Variants in ZFPM2 observed in about 807,000 individuals in gnomAD.
The protein encoded by ZFPM2 is zinc finger protein ZFPM2.
Under a neutral mutation model 98.6 loss-of-function variants are expected in ZFPM2, and 20 were observed. The observed-to-expected ratio is 0.20, with a 90% CI of 0.14 to 0.29. The LOEUF is 0.29. Ranked by LOEUF, ZFPM2 falls within the 10% of genes least tolerant of loss-of-function variation. ZFPM2 has a pLI of 1.00. For missense variants in ZFPM2, 1,310 were observed against 1,388.6 expected (o/e 0.94, Z 0.90); for synonymous variants, 518 against 502.7 (o/e 1.03, Z -0.41).
intron 5 of ZFPM2, among the ~76,000 whole-genome samples, chr8:105,645,358 C>T (rs941826741): frequency 5.3e-5 from 8 of 152,134 alleles, no homozygotes; most frequent in Admixed American, 2.0e-4. Context: ...TATCATCTTG[C>T]TCTTTTTATG....
intron 3 of ZFPM2, among the ~76,000 whole-genome samples, chr8:105,467,752 T>C (rs763240876): frequency 6.6e-6 from 1 of 151,892 alleles, no homozygotes; most frequent in Non-Finnish European, 1.5e-5. Flanking sequence ...CACACACACA[T>C]GTATATATAT....
At chr8:105,771,276 A>C (rs532911263) in intron 5 of ZFPM2, among the ~76,000 whole-genome samples, 1 of 152,218 alleles carries the variant, frequency 6.6e-6, no homozygotes, top group Non-Finnish European at 1.5e-5. Flanking sequence ...TCATACCTAG[A>C]GGCAACTAAT....
At chr8:105,743,744 T>C (rs991691998) in intron 5 of ZFPM2, among the ~76,000 whole-genome samples, 2 of 152,092 alleles carry the variant, frequency 1.3e-5, no homozygotes, top group Non-Finnish European at 2.9e-5. Flanking sequence ...CAAATGCTCT[T>C]CCTTTAAGTT....
chr8:105,695,546 C>A (rs1366873823), intron 5 of ZFPM2, among the ~76,000 whole-genome samples: 1 of 151,988 alleles, frequency 6.6e-6, no homozygotes, highest in Non-Finnish European at 1.5e-5. Flanking sequence ...TGGGTTACAT[C>A]TGGATGATTA....
chr8:105,603,759 T>G (rs997623602), intron 4 of ZFPM2, among the ~76,000 whole-genome samples: 2 of 151,988 alleles, frequency 1.3e-5, no homozygotes, highest in African/African-American at 2.4e-5. Flanking sequence ...TTTAAGAAAA[T>G]GAAAGCAGGT....
chr8:105,618,402 C>T (rs1400429350), intron 4 of ZFPM2, among the ~76,000 whole-genome samples: 4 of 152,118 alleles, frequency 2.6e-5, no homozygotes, highest in South Asian at 2.1e-4. Context: ...GCATAATGAT[C>T]TCTTTCATAG....
At chr8:105,580,782 G>T (rs1815573605) in intron 4 of ZFPM2, among the ~76,000 whole-genome samples, 2 of 149,400 alleles carry the variant, frequency 1.3e-5, no homozygotes, top group Admixed American at 6.7e-5. Flanking sequence ...TAGTAACAGT[G>T]CAAGTAATAA....
intron 3 of ZFPM2, among the ~76,000 whole-genome samples, chr8:105,444,674 C>G (rs1022301212): frequency 8.5e-5 from 13 of 152,072 alleles, no homozygotes; most frequent in African/African-American, 2.9e-4. Flanking sequence ...AAGCTACATC[C>G]AAATTTAAAT....
At chr8:105,750,082 T>C (rs551958073) in intron 5 of ZFPM2, among the ~76,000 whole-genome samples, 1 of 152,206 alleles carries the variant, frequency 6.6e-6, no homozygotes, top group East Asian at 1.9e-4. Flanking sequence ...ATTTATTGAA[T>C]ACCTACTATG....
intron 1 of ZFPM2, among the ~76,000 whole-genome samples, chr8:105,357,910 C>G (rs1345031833): frequency 6.6e-6 from 1 of 152,174 alleles, no homozygotes; most frequent in Non-Finnish European, 1.5e-5. Context: ...TAGTTTGCAA[C>G]TTGACCATAG....
chr8:105,655,300 T>C (rs1817262370), intron 5 of ZFPM2, among the ~76,000 whole-genome samples: 1 of 150,566 alleles, frequency 6.6e-6, no homozygotes, highest in Non-Finnish European at 1.5e-5. Context: ...GGGGTGGTCT[T>C]GGCTCACTGC....
At chr8:105,519,634 T>C (rs972484219) in intron 3 of ZFPM2, among the ~76,000 whole-genome samples, 4 of 152,120 alleles carry the variant, frequency 2.6e-5, no homozygotes, top group Non-Finnish European at 4.4e-5. Flanking sequence ...AACACATTGA[T>C]ATTATGCAGA....
chr8:105,565,378 A>G (rs889931669), intron 4 of ZFPM2, among the ~76,000 whole-genome samples: 16 of 152,210 alleles, frequency 1.1e-4, no homozygotes, highest in African/African-American at 3.9e-4. Context: ...ATGCTTTAAA[A>G]GTTTTATAAT....
At position 105,415,243 on chromosome 8, in the gene ZFPM2, G is replaced by A. The variant is rs181588018; in HGVS notation, c.41-3901G>A. Among the ~76,000 whole-genome samples, 501 of 152,160 alleles carry A rather than the reference G, an allele frequency of 3.3e-3. 1 individual carries two copies. Among genetic ancestry groups the A allele is most frequent in the Admixed American group, 9.8e-3 (149 of 15,256 alleles). On this transcript the variant is annotated intron_variant, in intron 1 of 7. Coordinates refer to ENST00000407775, the MANE Select transcript of ZFPM2 (RefSeq NM_012082.4). ...TGAGAGACAATGAACAGTGTTATGG[G>A]CCTAACATATAGCACCAGTGTGTTC...
chr8:105,605,320 A>AT (rs925979327), intron 4 of ZFPM2, among the ~76,000 whole-genome samples: 10 of 152,076 alleles, frequency 6.6e-5, no homozygotes, highest in Admixed American at 3.9e-4. Context: ...ACTTCAAGAG[A>AT]TTTTTTTTGA....
intron 1 of ZFPM2, among the ~76,000 whole-genome samples, chr8:105,404,574 C>A (rs959291122): frequency 1.3e-5 from 2 of 152,018 alleles, no homozygotes; most frequent in African/African-American, 4.8e-5. Context: ...AAATTTAAGA[C>A]AGCTCACTTC....
chr8:105,554,835 C>T (rs1382399318), intron 3 of ZFPM2, among the ~76,000 whole-genome samples: 1 of 152,090 alleles, frequency 6.6e-6, no homozygotes, highest in Admixed American at 6.6e-5. Context: ...CTAAAAGACT[C>T]ATATCTGTCT....
At chr8:105,460,098 A>G (rs1269579214) in intron 3 of ZFPM2, among the ~76,000 whole-genome samples, 1 of 152,170 alleles carries the variant, frequency 6.6e-6, no homozygotes, top group East Asian at 1.9e-4. Context: ...GTGTTGATTA[A>G]GTGAGTGGAA....
At chr8:105,599,146 C>T (rs1203429033) in intron 4 of ZFPM2, among the ~76,000 whole-genome samples, 1 of 151,982 alleles carries the variant, frequency 6.6e-6, no homozygotes, top group East Asian at 1.9e-4. Context: ...TAAAAGGCCA[C>T]CTTGCTCTCT....
Sources: gnomAD v4.1 joint callset for allele counts (sites outside exome capture counted in the v4.1 genomes callset) on GRCh38, gnomAD v4.1.1 for gene constraint, MANE v1.5 for transcripts, NCBI Gene and HGNC (gene_info 2026-07-23, HGNC 2026-07-21) for gene names.